FANK1: variants seen among roughly 807,000 people sequenced by gnomAD.
The protein encoded by FANK1 is fibronectin type III and ankyrin repeat domains 1.
A neutral mutation model predicts 45.3 loss-of-function variants in FANK1; 44 were observed. That is an observed-to-expected ratio of 0.97 (90% confidence interval 0.76 to 1.25). The LOEUF (loss-of-function observed/expected upper bound fraction) is 1.25. Among genes scored for constraint, FANK1 ranks in the 50% most tolerant of loss-of-function variants. The probability of loss-of-function intolerance (pLI) is 0.00; values close to 1 mark genes in which losing one functional copy is unlikely to be tolerated. For missense variants in FANK1, 391 were observed against 424.4 expected (o/e 0.92, Z 0.69); for synonymous variants, 149 against 152.5 (o/e 0.98, Z 0.17).
chr10:125,937,830 G>A (rs758260551), intron 1 of FANK1, among the ~76,000 whole-genome samples: 1 of 152,200 alleles, frequency 6.6e-6, no homozygotes, highest in Non-Finnish European at 1.5e-5. Context: ...TGAGGTGGAA[G>A]GGATAGGTGA....
rs1232788603 is a variant in FANK1, at chr10:125,996,629, G to T, written c.473+5G>T. 11 of 1,612,760 alleles carry T rather than the reference G, an allele frequency of 6.8e-6. No individual in the cohort carries two copies. The highest frequency in any genetic ancestry group is 9.3e-6 in the Non-Finnish European group (11 of 1,179,468). Reference sequence around the variant, plus strand: ...TGCCCAGAAAGGATACACCAGGTATGGCTCTTCTTTTTTTTAAATCTCTCT... The same window carrying T: ...TGCCCAGAAAGGATACACCAGGTATTGCTCTTCTTTTTTTTAAATCTCTCT... On this transcript the variant is annotated splice_donor_5th_base_variant and intron_variant, in intron 5 of 10. Transcript: ENST00000368693.
intron 1 of FANK1, among the ~76,000 whole-genome samples, chr10:125,945,030 G>A (rs1232438966): frequency 1.3e-5 from 2 of 152,136 alleles, no homozygotes; most frequent in Non-Finnish European, 1.5e-5. Flanking sequence ...TAGTACTTCA[G>A]CATAATACTG....
At position 125,983,368 on chromosome 10, in the gene FANK1, C is replaced by T. The variant is rs1396484836; in HGVS notation, c.191+3030C>T. On this transcript the variant is annotated intron_variant, in intron 2 of 10. Transcript: ENST00000368693. This position sits in a 1 kb window ranked among gnomAD's most constrained non-coding sequence, Gnocchi z 4.3. ...TTGAGTGTCTGCCGTGTGTCAGACA[C>T]TGCTCCGGATGCTGGGGATACGGCA... Among the ~76,000 whole-genome samples the T allele has an allele frequency of 2.0e-5, 3 of 152,180 alleles. No individual in the cohort carries two copies. The highest frequency in any genetic ancestry group is 4.8e-5 in the African/African-American group (2 of 41,436).
chr10:126,003,713 TC>T (rs1359532538), intron 6 of FANK1, among the ~76,000 whole-genome samples: 9 of 152,094 alleles, frequency 5.9e-5, no homozygotes, highest in Admixed American at 3.3e-4. Flanking sequence ...TCTTGCTCTC[TC>T]TCCCAGGTTG....
In FANK1 at chr10:125,983,041, A is replaced by G. The variant is rs139699318; in HGVS notation, c.191+2703A>G. On this transcript the variant is annotated intron_variant, in intron 2 of 10. Transcript: ENST00000368693. The surrounding 1 kb of genome is among the most constrained non-coding windows in gnomAD (Gnocchi z 4.3). ...TAAAGGCCAAATTCCTTAGACTAACATTTAATGTCTTTCACAGTTTCCCTA... is the reference window on the plus strand; with the variant it reads ...TAAAGGCCAAATTCCTTAGACTAACGTTTAATGTCTTTCACAGTTTCCCTA... 5.2e-3 allele frequency among the ~76,000 whole-genome samples: 794 copies of G among 152,016 alleles called. 5 individuals are homozygous for G. The highest frequency in any genetic ancestry group is 9.4e-3 in the Admixed American group (144 of 15,268).
intron 1 of FANK1, among the ~76,000 whole-genome samples, chr10:125,951,908 A>C (rs1949259836): frequency 6.6e-6 from 1 of 152,222 alleles, no homozygotes; most frequent in African/African-American, 2.4e-5. Flanking sequence ...GTAATTGTGT[A>C]ACCAAATTAT....
chr10:126,000,850 A>G (rs1952704883), intron 6 of FANK1, among the ~76,000 whole-genome samples: 1 of 152,232 alleles, frequency 6.6e-6, no homozygotes, highest in Non-Finnish European at 1.5e-5. Flanking sequence ...AAGCCTCCAC[A>G]CACAGTAGAA....
intron 1 of FANK1, among the ~76,000 whole-genome samples, chr10:125,971,396 C>G (rs749159214): frequency 1.1e-4 from 16 of 151,844 alleles, no homozygotes; most frequent in Non-Finnish European, 2.1e-4. Flanking sequence ...TCAGCAGCCT[C>G]CCTGACCTCG....
chr10:125,924,186 G>A (rs1589874925), intron 1 of FANK1, among the ~76,000 whole-genome samples: 1 of 151,522 alleles, frequency 6.6e-6, no homozygotes, highest in East Asian at 1.9e-4. Context: ...TCATTTGTTT[G>A]TTATGTTTTT....
At position 125,980,380 on chromosome 10, in the gene FANK1, C is replaced by T. The variant is rs761579711; in HGVS notation, c.191+42C>T. The T allele has an allele frequency of 4.5e-6, 7 of 1,569,420 alleles. No individual in the cohort carries two copies. The Admixed American group carries it at 1.1e-4, about 26-fold the overall frequency. ...ATTGCTTGCCACTTTGCCTTACTTC[C>T]TGATTAGCTGGAATGATTTCTGTTG... On this transcript the variant is annotated intron_variant, in intron 2 of 10. Transcript: ENST00000368693.
intron 2 of FANK1, among the ~76,000 whole-genome samples, chr10:125,988,034 A>G (rs1056334805): frequency 1.3e-5 from 2 of 152,208 alleles, no homozygotes; most frequent in Admixed American, 1.3e-4. Flanking sequence ...ATTGTCTTCT[A>G]TGTGCTGCCT....
intron 2 of FANK1, among the ~76,000 whole-genome samples, chr10:125,988,241 A>G (rs1408563449): frequency 1.3e-5 from 2 of 152,228 alleles, no homozygotes; most frequent in Non-Finnish European, 2.9e-5. Context: ...TATCTTTCAA[A>G]TATAAAACTT....
chr10:125,915,488 C>T (rs1326499608), intron 1 of FANK1, among the ~76,000 whole-genome samples: 1 of 152,214 alleles, frequency 6.6e-6, no homozygotes, highest in Non-Finnish European at 1.5e-5. Context: ...TTTTCAACTT[C>T]ACATACCATA....
chr10:125,907,103 G>A (rs549773677), intron 1 of FANK1, among the ~76,000 whole-genome samples: 79 of 152,302 alleles, frequency 5.2e-4, no homozygotes, highest in Non-Finnish European at 5.7e-4. Context: ...TGATCAAATG[G>A]TAAGTGATGC....
chr10:125,940,553 C>T (rs901437869), intron 1 of FANK1, among the ~76,000 whole-genome samples: 1 of 152,132 alleles, frequency 6.6e-6, no homozygotes, highest in East Asian at 1.9e-4. Context: ...GATTTTATAC[C>T]GAGACATTCT....
chr10:126,002,763 CTTTT>C (rs375158618), intron 6 of FANK1, among the ~76,000 whole-genome samples: 6 of 113,210 alleles, frequency 5.3e-5, no homozygotes, highest in African/African-American at 1.3e-4. Context: ...TTTGCCTCTC[CTTTT>C]TTTTTTTTTT....
In FANK1 at chr10:126,008,323, G is replaced by A. The variant is rs975353857; in HGVS notation, c.706-84G>A. 3 of 1,472,294 alleles carry A rather than the reference G, an allele frequency of 2.0e-6. No homozygotes were observed. The African/African-American group carries it at 4.3e-5, about 21-fold the overall frequency. The allele number at this position is 1,472,294 out of a possible 1,614,324, so 91.2% of individuals were successfully genotyped here. ...CGGCTATCTAAGTCCGGGTGTTGGG[G>A]CAAGCAAATATTCCTTTTATAAGTT... is the stretch of plus-strand genomic sequence containing the variant. On this transcript the variant is annotated intron_variant, in intron 7 of 10. Coordinates refer to ENST00000368693, the MANE Select transcript of FANK1 (RefSeq NM_145235.5).
chr10:125,952,867 T>TA (rs1411782374), intron 1 of FANK1, among the ~76,000 whole-genome samples: 1 of 145,394 alleles, frequency 6.9e-6, no homozygotes, highest in Non-Finnish European at 1.5e-5. Context: ...ACACTGTTCT[T>TA]ACGTGCCTGA....
At chr10:125,924,455 C>T (rs112256339) in intron 1 of FANK1, among the ~76,000 whole-genome samples, 2 of 151,490 alleles carry the variant, frequency 1.3e-5, no homozygotes, top group African/African-American at 4.9e-5. Flanking sequence ...GGTTTTACCA[C>T]GTTGGGCAGG....
Sources: gnomAD v4.1 joint callset for allele counts (sites outside exome capture counted in the v4.1 genomes callset) on GRCh38, gnomAD v4.1.1 for gene constraint, Gnocchi (gnomAD v3.1) non-coding constraint, MANE v1.5 for transcripts, NCBI Gene and HGNC (gene_info 2026-07-23, HGNC 2026-07-21) for gene names.